The following PDZRN4 variants were observed in gnomAD, a reference collection of about 807,000 sequenced individuals.
PDZRN4 encodes PDZ domain-containing RING finger protein 4.
PDZRN4 carries 70 observed loss-of-function variants against 99.0 expected under a neutral mutation model. That is an observed-to-expected ratio of 0.71 (90% CI 0.58 to 0.86). The LOEUF (loss-of-function observed/expected upper bound fraction) is 0.86. Among genes scored for constraint, PDZRN4 ranks in the 40% least tolerant of loss-of-function variants. PDZRN4 has a pLI of 0.00. For missense variants in PDZRN4, 1,474 were observed against 1,331.2 expected, an observed-to-expected ratio of 1.11 and a Z score of -1.67; for synonymous variants, 551 against 501.6, an observed-to-expected ratio of 1.10 and a Z score of -1.32.
chr12:41,309,614 A>T (rs2120947385), intron 3 of PDZRN4, among the ~76,000 whole-genome samples: 1 of 152,186 alleles, frequency 6.6e-6, no homozygotes, highest in Non-Finnish European at 1.5e-5. Flanking sequence ...TAAAAATATG[A>T]CTGTTAGAAA....
intron 3 of PDZRN4, among the ~76,000 whole-genome samples, chr12:41,362,171 C>T (rs749948830): frequency 6.6e-6 from 1 of 151,960 alleles, no homozygotes; most frequent in South Asian, 2.1e-4. Flanking sequence ...ATTTTCATGT[C>T]GCACCATCGT....
At chr12:41,252,239 T>A (rs1017799980) in intron 3 of PDZRN4, among the ~76,000 whole-genome samples, 8 of 152,204 alleles carry the variant, frequency 5.3e-5, no homozygotes, top group Non-Finnish European at 1.0e-4. Context: ...AGGTATTTAA[T>A]ACAGAGAAAT....
intron 3 of PDZRN4, among the ~76,000 whole-genome samples, chr12:41,492,693 GA>G: frequency 6.6e-6 from 1 of 152,140 alleles, no homozygotes; most frequent in South Asian, 2.1e-4. Flanking sequence ...GGTGGTGTAA[GA>G]AAAAAATCAG....
At chr12:41,234,351 A>C (rs1951051227) in intron 3 of PDZRN4, among the ~76,000 whole-genome samples, 1 of 152,188 alleles carries the variant, frequency 6.6e-6, no homozygotes, top group South Asian at 2.1e-4. Context: ...ACCATTGGTC[A>C]GAAAAGTTAT....
chr12:41,193,514 G>A (rs562392231), intron 2 of PDZRN4, among the ~76,000 whole-genome samples: 7 of 152,248 alleles, frequency 4.6e-5, no homozygotes, highest in African/African-American at 1.7e-4. Flanking sequence ...GAGTTTGCAT[G>A]GGTTCCCTTT....
At chr12:41,223,984 C>T (rs1222127910) in intron 3 of PDZRN4, among the ~76,000 whole-genome samples, 1 of 152,210 alleles carries the variant, frequency 6.6e-6, no homozygotes, top group Non-Finnish European at 1.5e-5. Context: ...CAGAAGGGTC[C>T]TGGACATGGT....
chr12:41,341,104 A>G (rs1951813042), intron 3 of PDZRN4, among the ~76,000 whole-genome samples: 1 of 151,874 alleles, frequency 6.6e-6, no homozygotes, highest in East Asian at 1.9e-4. Flanking sequence ...AAAAGACAAA[A>G]ACGTGATCAT....
chr12:41,449,612 ACAGG>A lies in PDZRN4; in HGVS notation c.844-56843_844-56840del, dbSNP rs553138483. Among the ~76,000 whole-genome samples the A allele has an allele frequency of 8.0e-4, 122 of 152,310 alleles. 1 individual carries two copies. The South Asian group carries it at 9.1e-3, about 11-fold the overall frequency. On this transcript the variant is annotated intron_variant, in intron 3 of 9. Coordinates refer to ENST00000402685, the MANE Select transcript of PDZRN4 (RefSeq NM_001164595.2). ...TATTAGTTCTGTGTGTGAGAGAAAG[ACAGG>A]GAGGAACAAAGTGTCATGAGATGTC... is the stretch of plus-strand genomic sequence containing the variant.
intron 8 of PDZRN4, among the ~76,000 whole-genome samples, chr12:41,565,436 C>CAA (rs1303092277): frequency 1.6e-5 from 2 of 121,806 alleles, no homozygotes; most frequent in African/African-American, 5.8e-5. Context: ...TATAAAGTGG[C>CAA]AAAAAAAAAA....
At chr12:41,326,267 C>T (rs761665206) in intron 3 of PDZRN4, among the ~76,000 whole-genome samples, 1 of 152,092 alleles carries the variant, frequency 6.6e-6, no homozygotes, top group Non-Finnish European at 1.5e-5. Flanking sequence ...CATGAGCCAC[C>T]ATGCCCAGCC....
At chr12:41,414,415 G>A (rs1260666836) in intron 3 of PDZRN4, among the ~76,000 whole-genome samples, 2 of 151,858 alleles carry the variant, frequency 1.3e-5, no homozygotes, top group Admixed American at 6.6e-5. Flanking sequence ...CTTCCAGGCT[G>A]TTTACTTTTT....
rs1383337505 is a variant in PDZRN4 at position 41,194,096 on chromosome 12, A to G, written c.751A>G (p.Thr251Ala). Reference sequence around the variant, plus strand: ...TTAAAAATAGAATAATCAGGAAGGAACATCGACTGAAGGAATTTACGTTTC... The same window carrying G: ...TTAAAAATAGAATAATCAGGAAGGAGCATCGACTGAAGGAATTTACGTTTC... ...GRPNQNNQEGTSTEGIYVSKI... is the reference protein window; with the variant it reads ...GRPNQNNQEGASTEGIYVSKI... The change falls in exon 3 of 10, where the codon ACA becomes GCA. Residue 251 changes from threonine to alanine, a missense_variant. Thr to Ala is a moderately conservative substitution (Grantham distance 58). Transcript: ENST00000402685. 2.0e-6 allele frequency: 3 copies of G among 1,489,504 alleles called. No individual in the cohort carries two copies. Among genetic ancestry groups the G allele is most frequent in the Non-Finnish European group, 1.9e-6 (2 of 1,079,456 alleles). The allele number at this position is 1,489,504 out of a possible 1,614,324, so 92.3% of individuals were successfully genotyped here.
chr12:41,374,200 C>T (rs1952063558), intron 3 of PDZRN4, among the ~76,000 whole-genome samples: 1 of 152,120 alleles, frequency 6.6e-6, no homozygotes, highest in South Asian at 2.1e-4. Context: ...GGGTGGAGCT[C>T]AGGGTATGCA....
At chr12:41,343,692 CAGTAAGTATTGTATATTACAAAA>C (rs1241667712) in intron 3 of PDZRN4, among the ~76,000 whole-genome samples, 2 of 150,292 alleles carry the variant, frequency 1.3e-5, no homozygotes. Flanking sequence ...CCATTGTTAT[CAGTAAGTATTGTATATTACAAAA>C]AGGCTAGGAG....
At chr12:41,270,147 A>G (rs2120856471) in intron 3 of PDZRN4, among the ~76,000 whole-genome samples, 1 of 150,196 alleles carries the variant, frequency 6.7e-6, no homozygotes, top group South Asian at 2.1e-4. Context: ...TAAAGCAGTG[A>G]TAATTATTTT....
At chr12:41,379,093 T>C (rs1038208303) in intron 3 of PDZRN4, among the ~76,000 whole-genome samples, 1 of 152,080 alleles carries the variant, frequency 6.6e-6, no homozygotes, top group African/African-American at 2.4e-5. Context: ...TTTTCATAGG[T>C]TATATGTTTC....
chr12:41,565,806 TCTCATAAGAACTTGTAGCCACTAC>T (rs1352974470), intron 8 of PDZRN4, among the ~76,000 whole-genome samples: 1 of 152,174 alleles, frequency 6.6e-6, no homozygotes, highest in Non-Finnish European at 1.5e-5. Context: ...CAGAGAGGAT[TCTCATAAGAACTTGTAGCCACTAC>T]CTTTGAGACA....
At chr12:41,324,645 G>T (rs1360374891) in intron 3 of PDZRN4, among the ~76,000 whole-genome samples, 1 of 151,982 alleles carries the variant, frequency 6.6e-6, no homozygotes, top group Non-Finnish European at 1.5e-5. Context: ...ATCCAGATAG[G>T]TATTAGGTTG....
chr12:41,481,594 T>C (rs1937675107), intron 3 of PDZRN4, among the ~76,000 whole-genome samples: 1 of 152,154 alleles, frequency 6.6e-6, no homozygotes, highest in African/African-American at 2.4e-5. Context: ...TATTTTCCAT[T>C]TGAAAACATG....
Sources: gnomAD v4.1 joint callset for allele counts (sites outside exome capture counted in the v4.1 genomes callset) on GRCh38, gnomAD v4.1.1 for gene constraint, MANE v1.5 for transcripts, NCBI Gene and HGNC (gene_info 2026-07-23, HGNC 2026-07-21) for gene names.